The following ERGIC1 variants were observed in gnomAD, a reference collection of about 807,000 sequenced individuals.
ERGIC1 encodes endoplasmic reticulum-Golgi intermediate compartment protein 1.
ERGIC1 carries 19 observed loss-of-function variants against 38.3 expected under a neutral mutation model. That is an observed-to-expected ratio of 0.50 (90% CI 0.35 to 0.73). The LOEUF (loss-of-function observed/expected upper bound fraction) is 0.73. Among genes scored for constraint, ERGIC1 ranks in the 30% least tolerant of loss-of-function variants. ERGIC1 has a pLI of 0.01. For missense variants in ERGIC1, 294 were observed against 389.2 expected (o/e 0.76, Z 2.06); for synonymous variants, 124 against 157.6 (o/e 0.79, Z 1.60).
intron 4 of ERGIC1, among the ~76,000 whole-genome samples, chr5:172,914,088 A>T (rs565370008): frequency 5.3e-5 from 8 of 151,882 alleles, no homozygotes; most frequent in South Asian, 2.1e-4. Flanking sequence ...TACAAAAAAA[A>T]TTTTTTTGTA....
intron 5 of ERGIC1, among the ~76,000 whole-genome samples, chr5:172,919,192 A>G (rs1416146790): frequency 1.3e-5 from 2 of 152,204 alleles, no homozygotes; most frequent in African/African-American, 4.8e-5. Flanking sequence ...CGTGAAGAGA[A>G]TGACGGGGTG....
In ERGIC1 at chr5:172,923,993, T is replaced by C; in HGVS notation, c.376-12T>C. On this transcript the variant is annotated splice_polypyrimidine_tract_variant and intron_variant, in intron 5 of 9. Transcript: ENST00000393784. ...GTCAACCAAACTCCTGAAACTCACA[T>C]TTCTCCCCCAGGTCCCCGGCAACTT... The C allele has an allele frequency of 6.2e-7, 1 of 1,613,710 alleles. No individual in the cohort carries two copies. Among genetic ancestry groups the C allele is most frequent in the South Asian group, 1.1e-5 (1 of 91,016 alleles).
chr5:172,866,914 GCAGGTGCTAGTGATATTTGCAGAA>G (rs1470549264), intron 1 of ERGIC1: 5 of 307,346 alleles, frequency 1.6e-5, no homozygotes, highest in Non-Finnish European at 3.2e-5. Context: ...CATTAGCAGA[GCAGGTGCTAGTGATATTTGCAGAA>G]CAGGTGCTGA....
At chr5:172,941,129 A>C (rs1023494404) in intron 9 of ERGIC1, among the ~76,000 whole-genome samples, 2 of 152,160 alleles carry the variant, frequency 1.3e-5, no homozygotes, top group Non-Finnish European at 2.9e-5. Flanking sequence ...AAATACAAAA[A>C]ATAGCCAGGT....
chr5:172,843,117 G>C (rs993465509), intron 1 of ERGIC1, among the ~76,000 whole-genome samples: 1 of 152,202 alleles, frequency 6.6e-6, no homozygotes, highest in African/African-American at 2.4e-5. Context: ...CTGCACTCCA[G>C]CCTGGGTGAC....
At chr5:172,917,818 C>T (rs768157035) in intron 5 of ERGIC1, 11 of 152,326 alleles carry the variant, frequency 7.2e-5, no homozygotes, top group Non-Finnish European at 1.3e-4. Context: ...ATTTATAGCA[C>T]GTTACAGTTG....
intron 2 of ERGIC1, among the ~76,000 whole-genome samples, chr5:172,889,250 C>T (rs1443532433): frequency 6.6e-6 from 1 of 152,056 alleles, no homozygotes; most frequent in Non-Finnish European, 1.5e-5. Flanking sequence ...CACCATTGCA[C>T]TTCAGCCTGG....
At chr5:172,862,419 A>G (rs897027266) in intron 1 of ERGIC1, among the ~76,000 whole-genome samples, 3 of 151,960 alleles carry the variant, frequency 2.0e-5, no homozygotes, top group African/African-American at 4.8e-5. Flanking sequence ...GACCACACAA[A>G]TGGGCATGTG....
intron 3 of ERGIC1, chr5:172,898,462 C>G (rs1762785670): frequency 6.6e-6 from 1 of 152,208 alleles, no homozygotes; most frequent in Non-Finnish European, 1.5e-5. Flanking sequence ...CTGGTCTCAC[C>G]TTGTTTCTGG....
intron 4 of ERGIC1, among the ~76,000 whole-genome samples, chr5:172,913,197 A>G (rs953817457): frequency 6.6e-6 from 1 of 152,220 alleles, no homozygotes; most frequent in African/African-American, 2.4e-5. Context: ...AGCCTCCTCC[A>G]CGCACCTGCA....
chr5:172,937,219 T>A (rs2113476038), intron 9 of ERGIC1: 1 of 152,232 alleles, frequency 6.6e-6, no homozygotes, highest in Non-Finnish European at 1.5e-5. Flanking sequence ...GCCTTCAGAA[T>A]TCATATGTAA....
intron 1 of ERGIC1, among the ~76,000 whole-genome samples, chr5:172,879,195 G>A (rs1322215386): frequency 6.6e-6 from 1 of 152,208 alleles, no homozygotes; most frequent in Non-Finnish European, 1.5e-5. Flanking sequence ...GCAAAGCTGA[G>A]GCATTCTGCT....
rs116066317 is a variant in ERGIC1, at chr5:172,856,616, C to A, written c.20+22183C>A. Among the ~76,000 whole-genome samples the A allele has an allele frequency of 6.5e-3, 986 of 152,186 alleles. 13 individuals carry two copies. Among genetic ancestry groups the A allele is most frequent in the African/African-American group, 0.023 (939 of 41,512 alleles). ...GAGCCCTAGCAGGTTCTTGAGCATG[C>A]GTGTTGCTCAGGAAGAAAAATAAGA... On this transcript the variant is annotated intron_variant, in intron 1 of 9. Transcript: ENST00000393784.
At chr5:172,902,661 A>G (rs570273326) in intron 3 of ERGIC1, among the ~76,000 whole-genome samples, 6 of 152,238 alleles carry the variant, frequency 3.9e-5, no homozygotes, top group African/African-American at 1.4e-4. Flanking sequence ...TTAGACATCC[A>G]CCTGGTTGGT....
intron 9 of ERGIC1, among the ~76,000 whole-genome samples, chr5:172,943,399 C>A (rs2113487086): frequency 6.6e-6 from 1 of 152,138 alleles, no homozygotes; most frequent in African/African-American, 2.4e-5. Flanking sequence ...GACTACACCC[C>A]CCACCTCTGC....
chr5:172,844,208 A>T (rs1761230951), intron 1 of ERGIC1, among the ~76,000 whole-genome samples: 1 of 152,208 alleles, frequency 6.6e-6, no homozygotes, highest in Non-Finnish European at 1.5e-5. Context: ...AAGTGGCCAG[A>T]GGGTCACACA....
chr5:172,912,383 T>G (rs138834545), intron 4 of ERGIC1, among the ~76,000 whole-genome samples: 1 of 152,314 alleles, frequency 6.6e-6, no homozygotes, highest in Non-Finnish European at 1.5e-5. Context: ...CAGGGGTGTT[T>G]AAATGGTGTT....
At chr5:172,898,813 C>T (rs1383502985) in intron 3 of ERGIC1, among the ~76,000 whole-genome samples, 1 of 152,054 alleles carries the variant, frequency 6.6e-6, no homozygotes, top group African/African-American at 2.4e-5. Context: ...GGTTTTATTC[C>T]CCCCAGGCCT....
At chr5:172,928,768 C>T (rs1269868695) in intron 7 of ERGIC1, among the ~76,000 whole-genome samples, 3 of 151,880 alleles carry the variant, frequency 2.0e-5, no homozygotes, top group Non-Finnish European at 2.9e-5. Context: ...CCTCCAGTGT[C>T]CCCCTCCACT....
Sources: allele counts gnomAD v4.1 joint callset (sites outside exome capture counted in the v4.1 genomes callset), GRCh38; gene constraint gnomAD v4.1.1; transcripts MANE v1.5; gene names NCBI Gene and HGNC (gene_info 2026-07-23, HGNC 2026-07-21).